HIBADH: variants seen among roughly 807,000 people sequenced by gnomAD.
HIBADH encodes the protein 3-hydroxyisobutyrate dehydrogenase, mitochondrial.
In HIBADH, 25 loss-of-function variants were observed where a neutral mutation model predicts 36.1. The ratio of observed to expected loss-of-function variants is 0.69; its 90% CI spans 0.50 to 0.97. The LOEUF (loss-of-function observed/expected upper bound fraction) is 0.97. Among genes scored for constraint, HIBADH ranks in the 50% least tolerant of loss-of-function variants. The pLI is 0.00. For missense variants in HIBADH, 421 were observed against 418.0 expected (o/e 1.01, Z -0.06); for synonymous variants, 160 against 149.5 (o/e 1.07, Z -0.51).
intron 2 of HIBADH, among the ~76,000 whole-genome samples, chr7:27,645,382 T>TTTTTTTTTTTTTTGTTTGTTTTGTTTTTG (rs1786049035): frequency 7.7e-6 from 1 of 129,080 alleles, no homozygotes; most frequent in African/African-American, 3.1e-5. Flanking sequence ...TTTTTTTTTT[T>TTTTTTTTTTTTTTGTTTGTTTTGTTTTTG]TTTTTTTTTT....
chr7:27,636,436 G>A (rs1024663587), intron 2 of HIBADH, among the ~76,000 whole-genome samples: 1 of 152,184 alleles, frequency 6.6e-6, no homozygotes, highest in Non-Finnish European at 1.5e-5. Context: ...TGACAAAAGC[G>A]CTTTGTGCCT....
chr7:27,596,319 C>A (rs1190780977), intron 4 of HIBADH, among the ~76,000 whole-genome samples: 1 of 152,224 alleles, frequency 6.6e-6, no homozygotes, highest in Non-Finnish European at 1.5e-5. Flanking sequence ...TTAATCCATT[C>A]ACAAGGGCAG....
intron 4 of HIBADH, among the ~76,000 whole-genome samples, chr7:27,570,848 T>TA (rs1407739575): frequency 6.6e-5 from 10 of 152,158 alleles, no homozygotes; most frequent in Non-Finnish European, 1.2e-4. Context: ...TAAGATTTCT[T>TA]TTTTAAAAAA....
At chr7:27,569,091 C>A (rs1784590287) in intron 4 of HIBADH, among the ~76,000 whole-genome samples, 1 of 152,048 alleles carries the variant, frequency 6.6e-6, no homozygotes, top group East Asian at 1.9e-4. Flanking sequence ...TCTCCAAATC[C>A]ACTGACTCTT....
intron 4 of HIBADH, among the ~76,000 whole-genome samples, chr7:27,619,843 C>T (rs1785505953): frequency 6.6e-6 from 1 of 152,078 alleles, no homozygotes; most frequent in Non-Finnish European, 1.5e-5. Context: ...ATATACAAAT[C>T]ATCAGTATCT....
At chr7:27,622,073 G>GT (rs1785554924) in intron 4 of HIBADH, among the ~76,000 whole-genome samples, 1 of 152,012 alleles carries the variant, frequency 6.6e-6, no homozygotes, top group African/African-American at 2.4e-5. Flanking sequence ...TGGGAAAACA[G>GT]TGAGAATCCA....
intron 4 of HIBADH, among the ~76,000 whole-genome samples, chr7:27,605,238 A>G (rs1011290507): frequency 1.3e-5 from 2 of 152,096 alleles, no homozygotes; most frequent in African/African-American, 4.8e-5. Flanking sequence ...TTTTTACATT[A>G]TCACTGTTTT....
chr7:27,607,664 G>A (rs1312486567), intron 4 of HIBADH, among the ~76,000 whole-genome samples: 1 of 151,774 alleles, frequency 6.6e-6, no homozygotes, highest in Non-Finnish European at 1.5e-5. Context: ...TTAACTATCT[G>A]AATGTTTGTA....
chr7:27,545,253 C>T (rs1851911), intron 4 of HIBADH, among the ~76,000 whole-genome samples: 99,220 of 151,956 alleles, frequency 0.65, 33,321 homozygotes, highest in East Asian at 0.94. Flanking sequence ...CCAGCCTGGG[C>T]AACACGGCGA....
At chr7:27,612,668 T>C (rs1785342163) in intron 4 of HIBADH, among the ~76,000 whole-genome samples, 1 of 149,614 alleles carries the variant, frequency 6.7e-6, no homozygotes, top group Non-Finnish European at 1.5e-5. Flanking sequence ...ACACAGGGGC[T>C]CACACCTGTA....
chr7:27,564,651 T>C (rs767734332), intron 4 of HIBADH, among the ~76,000 whole-genome samples: 8 of 152,178 alleles, frequency 5.3e-5, no homozygotes, highest in Non-Finnish European at 1.0e-4. Flanking sequence ...TATTTTGTTT[T>C]TCCATATAAA....
chr7:27,580,985 T>G (rs1784778460), intron 4 of HIBADH, among the ~76,000 whole-genome samples: 1 of 152,140 alleles, frequency 6.6e-6, no homozygotes, highest in South Asian at 2.1e-4. Flanking sequence ...GGAAGTTCTT[T>G]CACGACTGTG....
At chr7:27,625,200 G>A (rs1033460894) in intron 4 of HIBADH, among the ~76,000 whole-genome samples, 5 of 152,104 alleles carry the variant, frequency 3.3e-5, no homozygotes, top group African/African-American at 1.2e-4. Context: ...CTGACATAAG[G>A]CTACACGTGT....
intron 4 of HIBADH, among the ~76,000 whole-genome samples, chr7:27,553,909 T>C (rs1189375044): frequency 2.0e-5 from 3 of 152,180 alleles, no homozygotes; most frequent in Admixed American, 6.6e-5. Context: ...AGTACAAGGG[T>C]GTGATCTTGG....
chr7:27,650,508 T>TTTATTTA (rs1562659738), intron 1 of HIBADH, among the ~76,000 whole-genome samples: 1 of 128,852 alleles, frequency 7.8e-6, no homozygotes, highest in African/African-American at 2.9e-5. Context: ...TTATTTATTT[T>TTTATTTA]TTGAGACGGA....
At chr7:27,560,620 A>G (rs1163951999) in intron 4 of HIBADH, among the ~76,000 whole-genome samples, 1 of 152,092 alleles carries the variant, frequency 6.6e-6, no homozygotes, top group Non-Finnish European at 1.5e-5. Flanking sequence ...TGTTTCAGGT[A>G]TTTCTTAAAA....
chr7:27,570,852 T>TA (rs1562625538), intron 4 of HIBADH, among the ~76,000 whole-genome samples: 1 of 152,122 alleles, frequency 6.6e-6, no homozygotes, highest in African/African-American at 2.4e-5. Flanking sequence ...ATTTCTTTTT[T>TA]AAAAAAATTT....
intron 4 of HIBADH, among the ~76,000 whole-genome samples, chr7:27,580,989 G>A (rs1286504331): frequency 6.6e-6 from 1 of 152,142 alleles, no homozygotes; most frequent in Admixed American, 6.5e-5. Flanking sequence ...GTTCTTTCAC[G>A]ACTGTGTCTA....
intron 4 of HIBADH, among the ~76,000 whole-genome samples, chr7:27,595,887 A>G (rs577309023): frequency 5.9e-5 from 9 of 152,294 alleles, no homozygotes; most frequent in Admixed American, 5.2e-4. Context: ...TGCTCAAACA[A>G]GATCGTAATT....
Sources: gnomAD v4.1 joint callset for allele counts (sites outside exome capture counted in the v4.1 genomes callset) on GRCh38, gnomAD v4.1.1 for gene constraint, MANE v1.5 for transcripts, NCBI Gene and HGNC (gene_info 2026-07-23, HGNC 2026-07-21) for gene names.